CEP85L: variants seen among roughly 807,000 people sequenced by gnomAD.
The protein encoded by CEP85L is centrosomal protein 85L, also known as centrosomal protein of 85 kDa-like.
CEP85L carries 60 observed loss-of-function variants against 100.3 expected under a neutral mutation model. The observed-to-expected ratio is 0.60, with a 90% CI of 0.49 to 0.74. The LOEUF (loss-of-function observed/expected upper bound fraction) is 0.74, where lower values mean the gene tolerates loss of function less well. Ranked by LOEUF, CEP85L falls within the 30% of genes least tolerant of loss-of-function variation. The pLI, the probability that CEP85L is intolerant of heterozygous loss-of-function variation, is 0.00. For synonymous variants in CEP85L, 319 were observed against 322.7 expected (o/e 0.99, Z 0.12); for missense variants, 973 against 936.2 (o/e 1.04, Z -0.51).
At chr6:118,704,508 G>A (rs1466496164) in intron 1 of CEP85L, among the ~76,000 whole-genome samples, 6 of 152,098 alleles carry the variant, frequency 3.9e-5, no homozygotes, top group African/African-American at 4.8e-5. Flanking sequence ...TTGCACTGTC[G>A]CCCAGGTTGG....
At chr6:118,699,061 G>A (rs376586816) in intron 1 of CEP85L, among the ~76,000 whole-genome samples, 3 of 152,210 alleles carry the variant, frequency 2.0e-5, no homozygotes, top group East Asian at 3.9e-4. Flanking sequence ...TGTGTTCAGC[G>A]CAGTGGACCA....
chr6:118,611,095 C>G (rs1562307503), intron 2 of CEP85L, among the ~76,000 whole-genome samples: 1 of 152,054 alleles, frequency 6.6e-6, no homozygotes, highest in Admixed American at 6.5e-5. Context: ...AGAAAAAACA[C>G]AAGAAACAAA....
At chr6:118,553,106 C>T (rs1225214544) in intron 3 of CEP85L, among the ~76,000 whole-genome samples, 1 of 151,372 alleles carries the variant, frequency 6.6e-6, no homozygotes, top group African/African-American at 2.4e-5. Context: ...TATGATTAGA[C>T]TAACAGAATG....
intron 3 of CEP85L, among the ~76,000 whole-genome samples, chr6:118,555,358 G>A (rs561262512): frequency 2.0e-5 from 3 of 151,088 alleles, no homozygotes; most frequent in Non-Finnish European, 2.9e-5. Flanking sequence ...AACCCGGGAG[G>A]TGGAGCTTGC....
intron 5 of CEP85L, among the ~76,000 whole-genome samples, chr6:118,496,076 T>A (rs1204729871): frequency 3.3e-5 from 5 of 152,206 alleles, no homozygotes; most frequent in Non-Finnish European, 7.3e-5. Flanking sequence ...CAGAGAGGCT[T>A]CCATAACTGG....
chr6:118,684,901 C>G (rs557476364), intron 1 of CEP85L, among the ~76,000 whole-genome samples: 4 of 152,198 alleles, frequency 2.6e-5, no homozygotes, highest in African/African-American at 9.7e-5. Context: ...ATCCTCCCAC[C>G]TCGGCCTCCC....
chr6:118,515,306 T>C (rs189879833), intron 4 of CEP85L, among the ~76,000 whole-genome samples: 60 of 152,248 alleles, frequency 3.9e-4, no homozygotes, highest in Non-Finnish European at 2.9e-5. Flanking sequence ...GACACCTGGA[T>C]CTCAATAATT....
At chr6:118,498,132 C>T (rs1160840198) in intron 5 of CEP85L, among the ~76,000 whole-genome samples, 2 of 151,902 alleles carry the variant, frequency 1.3e-5, no homozygotes, top group African/African-American at 4.8e-5. Context: ...TATAGGGCAA[C>T]CACTAAAGAA....
At chr6:118,545,023 G>C (rs1036254613) in intron 3 of CEP85L, among the ~76,000 whole-genome samples, 2 of 151,780 alleles carry the variant, frequency 1.3e-5, no homozygotes, top group Non-Finnish European at 2.9e-5. Context: ...CTTCTTCCTG[G>C]GTGTCTAGGA....
chr6:118,567,646 T>C (rs1562269118), intron 2 of CEP85L, among the ~76,000 whole-genome samples: 1 of 152,144 alleles, frequency 6.6e-6, no homozygotes, highest in Non-Finnish European at 1.5e-5. Flanking sequence ...ACCTTTGCAA[T>C]TTATTCTGTA....
chr6:118,650,938 T>C (rs952888225), intron 1 of CEP85L, among the ~76,000 whole-genome samples: 5 of 152,102 alleles, frequency 3.3e-5, no homozygotes, highest in African/African-American at 7.2e-5. Context: ...CCAAGCGAGC[T>C]GGAAGTTGGG....
chr6:118,563,898 T>C (rs1779358024), intron 3 of CEP85L, among the ~76,000 whole-genome samples: 1 of 152,212 alleles, frequency 6.6e-6, no homozygotes, highest in South Asian at 2.1e-4. Context: ...GAAGCAGTCA[T>C]TTAATGATTA....
chr6:118,589,135 C>A, intron 2 of CEP85L: 2 of 288,716 alleles, frequency 6.9e-6, no homozygotes, highest in Non-Finnish European at 7.3e-6. Context: ...AGAAGAAACA[C>A]AAGGCCTTCA....
At chr6:118,545,171 T>C (rs757870026) in intron 3 of CEP85L, among the ~76,000 whole-genome samples, 17 of 152,116 alleles carry the variant, frequency 1.1e-4, no homozygotes, top group Admixed American at 3.3e-4. Context: ...TAACTTCTGG[T>C]CAAAAATTTC....
intron 6 of CEP85L, among the ~76,000 whole-genome samples, chr6:118,486,779 C>T (rs1257663997): frequency 6.6e-6 from 1 of 152,148 alleles, no homozygotes; most frequent in African/African-American, 2.4e-5. Context: ...AGTAACTCTA[C>T]CATATTTGCA....
chr6:118,673,637 T>C (rs1776385440), intron 1 of CEP85L, among the ~76,000 whole-genome samples: 2 of 152,212 alleles, frequency 1.3e-5, no homozygotes. Context: ...TGCCGATTTA[T>C]TAAAGTAACT....
intron 5 of CEP85L, chr6:118,502,776 T>C: frequency 1.7e-6 from 1 of 598,352 alleles, no homozygotes; most frequent in South Asian, 1.7e-5. Flanking sequence ...AAAGAACTTG[T>C]ACAACAAGTA....
intron 3 of CEP85L, among the ~76,000 whole-genome samples, chr6:118,537,073 A>G (rs1219361471): frequency 6.6e-6 from 1 of 152,184 alleles, no homozygotes; most frequent in Non-Finnish European, 1.5e-5. Context: ...CAAAATTCAC[A>G]TATTGATAAA....
intron 1 of CEP85L, among the ~76,000 whole-genome samples, chr6:118,661,661 T>A (rs956975715): frequency 6.6e-6 from 1 of 152,098 alleles, no homozygotes; most frequent in Non-Finnish European, 1.5e-5. Flanking sequence ...CCCTATAAAA[T>A]CCTAAATCTC....
Sources: gnomAD v4.1 joint callset for allele counts (sites outside exome capture counted in the v4.1 genomes callset) on GRCh38, gnomAD v4.1.1 for gene constraint, MANE v1.5 for transcripts, NCBI Gene and HGNC (gene_info 2026-07-23, HGNC 2026-07-21) for gene names.